The following SORCS1 variants were observed in gnomAD, a reference collection of about 807,000 sequenced individuals.
SORCS1 encodes sortilin related VPS10 domain containing receptor 1.
A neutral mutation model predicts 146.1 loss-of-function variants in SORCS1; 60 were observed. The observed-to-expected ratio is 0.41, with a 90% CI of 0.33 to 0.51. The LOEUF (loss-of-function observed/expected upper bound fraction) is 0.51. Among genes scored for constraint, SORCS1 ranks in the 20% least tolerant of loss-of-function variants. The pLI, the probability that SORCS1 is intolerant of heterozygous loss-of-function variation, is 0.21. For missense variants in SORCS1, 1,352 were observed against 1,487.6 expected (o/e 0.91, Z 1.50); for synonymous variants, 637 against 584.0 (o/e 1.09, Z -1.31).
chr10:107,177,347 T>C, the SORCS1 span, among the ~76,000 whole-genome samples: 1 of 152,196 alleles, frequency 6.6e-6, no homozygotes, highest in Non-Finnish European at 1.5e-5. Context: ...CCATGTACTC[T>C]TTGGCCAGTT....
At chr10:106,624,926 A>G (rs955385492) in intron 19 of SORCS1, among the ~76,000 whole-genome samples, 1 of 152,212 alleles carries the variant, frequency 6.6e-6, no homozygotes, top group Admixed American at 6.5e-5. Flanking sequence ...CTATGGAGCC[A>G]CAGAGGTGAA....
intron 24 of SORCS1, among the ~76,000 whole-genome samples, chr10:106,581,322 TACACACACACACAC>T (rs3044191): frequency 1.4e-5 from 2 of 142,336 alleles, no homozygotes; most frequent in Non-Finnish European, 3.1e-5. Context: ...TCGTCATACA[TACACACACACACAC>T]ACACACACAC....
intron 3 of SORCS1, among the ~76,000 whole-genome samples, chr10:106,786,208 A>G (rs899073629): frequency 6.6e-6 from 1 of 152,252 alleles, no homozygotes; most frequent in African/African-American, 2.4e-5. Flanking sequence ...CAGTGGCTTC[A>G]AACAAGCATT....
chr10:107,164,296 C>G lies in SORCS1; in HGVS notation c.231G>C (p.Leu77=). The G allele has an allele frequency of 1.3e-6, 2 of 1,588,550 alleles. No homozygotes were observed. The highest frequency in any genetic ancestry group is 1.7e-5 in the Admixed American group (1 of 57,666). Residue 77 remains leucine, a synonymous_variant, in exon 1 of 26, where the codon CTG becomes CTC. Coordinates refer to ENST00000263054, the MANE Select transcript of SORCS1 (RefSeq NM_052918.5). This position sits in a 1 kb window ranked among gnomAD's most constrained non-coding sequence, Gnocchi z 6.8. ...ATPLPLVVRP[L]FSVAPGDRAL... ...CTCGGTCCCCGGGGGCCACTGAGAA[C>G]AGGGGACGCACTACGAGGGGCAGGG... is the stretch of plus-strand genomic sequence containing the variant.
chr10:106,723,431 C>G (rs139966697), intron 6 of SORCS1, among the ~76,000 whole-genome samples: 1 of 150,096 alleles, frequency 6.7e-6, no homozygotes, highest in African/African-American at 2.4e-5. Context: ...AATATTTAAA[C>G]AATAAAAGAT....
chr10:106,655,401 C>T (rs972804467), intron 17 of SORCS1, among the ~76,000 whole-genome samples: 2 of 152,016 alleles, frequency 1.3e-5, no homozygotes, highest in Admixed American at 1.3e-4. Flanking sequence ...AGGCAAGGCA[C>T]TGTGCAAACT....
chr10:106,615,924 T>A (rs970441257), intron 21 of SORCS1, among the ~76,000 whole-genome samples: 4 of 152,194 alleles, frequency 2.6e-5, no homozygotes, highest in African/African-American at 9.7e-5. Context: ...TTTATTATAC[T>A]TGTCTCATGT....
chr10:106,968,232 C>T (rs1333860052), intron 1 of SORCS1, among the ~76,000 whole-genome samples: 1 of 151,876 alleles, frequency 6.6e-6, no homozygotes, highest in African/African-American at 2.4e-5. Context: ...AAAAGATGTA[C>T]CAATACTTAA....
intron 2 of SORCS1, among the ~76,000 whole-genome samples, chr10:106,874,384 A>G (rs1392688840): frequency 2.0e-5 from 3 of 152,222 alleles, no homozygotes; most frequent in African/African-American, 7.2e-5. Context: ...AAGTGTGTGT[A>G]CAACTGAGCT....
intron 3 of SORCS1, among the ~76,000 whole-genome samples, chr10:106,808,751 C>G (rs368443189): frequency 3.9e-5 from 6 of 152,152 alleles, no homozygotes; most frequent in African/African-American, 1.4e-4. Flanking sequence ...ATCCGCCCAC[C>G]TTGGCCTCCC....
chr10:107,117,231 T>C (rs1015216638), intron 1 of SORCS1, among the ~76,000 whole-genome samples: 1 of 152,170 alleles, frequency 6.6e-6, no homozygotes, highest in Admixed American at 6.5e-5. Flanking sequence ...AACTGCCAGT[T>C]AGAACTGAAA....
chr10:106,947,876 C>T (rs1056669121), intron 2 of SORCS1, among the ~76,000 whole-genome samples: 2 of 151,246 alleles, frequency 1.3e-5, no homozygotes, highest in Non-Finnish European at 2.9e-5. Context: ...GAGCTACAAA[C>T]AGTACCTATT....
intron 21 of SORCS1, among the ~76,000 whole-genome samples, chr10:106,614,849 AT>A (rs1304149602): frequency 1.3e-5 from 2 of 152,120 alleles, no homozygotes; most frequent in Non-Finnish European, 2.9e-5. Context: ...ATAATATAAT[AT>A]TTTTTGCAGC....
intron 18 of SORCS1, among the ~76,000 whole-genome samples, chr10:106,635,838 T>G (rs1483822133): frequency 1.3e-5 from 2 of 152,218 alleles, no homozygotes; most frequent in African/African-American, 2.4e-5. Context: ...CGGCACTGAG[T>G]GACAGAAAGG....
At chr10:107,118,188 C>T (rs934411012) in intron 1 of SORCS1, among the ~76,000 whole-genome samples, 1 of 147,322 alleles carries the variant, frequency 6.8e-6, no homozygotes, top group African/African-American at 2.6e-5. Flanking sequence ...AAGATCCCTT[C>T]TACCTCACAT....
intron 1 of SORCS1, among the ~76,000 whole-genome samples, chr10:107,090,744 A>C (rs1012605473): frequency 2.0e-5 from 3 of 152,212 alleles, no homozygotes; most frequent in African/African-American, 7.2e-5. Context: ...GCATAATTTG[A>C]ACCAAAGCCC....
At chr10:106,754,892 T>G (rs1362668155) in intron 5 of SORCS1, among the ~76,000 whole-genome samples, 1 of 152,228 alleles carries the variant, frequency 6.6e-6, no homozygotes, top group African/African-American at 2.4e-5. Flanking sequence ...TGTCCCTATT[T>G]CAAGCCAGCT....
At chr10:106,983,010 C>T (rs185927306) in intron 1 of SORCS1, among the ~76,000 whole-genome samples, 2 of 151,202 alleles carry the variant, frequency 1.3e-5, no homozygotes, top group African/African-American at 2.4e-5. Flanking sequence ...GAATGATATA[C>T]CAAAGGTGCT....
chr10:107,031,949 T>C (rs1958675813), intron 1 of SORCS1, among the ~76,000 whole-genome samples: 1 of 152,220 alleles, frequency 6.6e-6, no homozygotes, highest in South Asian at 2.1e-4. Context: ...GACATGTTAT[T>C]CTTCTCCATA....
Sources: allele counts gnomAD v4.1 joint callset (sites outside exome capture counted in the v4.1 genomes callset), GRCh38; gene constraint gnomAD v4.1.1; non-coding constraint Gnocchi (gnomAD v3.1); transcripts MANE v1.5; gene names NCBI Gene and HGNC (gene_info 2026-07-23, HGNC 2026-07-21).